The following TIAM1 variants were observed in gnomAD, a reference collection of about 807,000 sequenced individuals.
TIAM1 encodes TIAM Rac1 associated GEF 1.
A neutral mutation model predicts 163.5 loss-of-function variants in TIAM1; 65 were observed. The observed-to-expected ratio is 0.40, with a 90% CI of 0.33 to 0.49. The LOEUF (loss-of-function observed/expected upper bound fraction) is 0.49. Ranked by LOEUF, TIAM1 falls within the 20% of genes least tolerant of loss-of-function variation. TIAM1 has a pLI of 0.77. For synonymous variants in TIAM1, 833 were observed against 810.1 expected, an observed-to-expected ratio of 1.03 and a Z score of -0.48; for missense variants, 1,789 against 2,044.7, an observed-to-expected ratio of 0.87 and a Z score of 2.41.
At chr21:31,265,448 G>C (rs2072704004) in intron 4 of TIAM1, among the ~76,000 whole-genome samples, 1 of 151,842 alleles carries the variant, frequency 6.6e-6, no homozygotes, top group Admixed American at 6.6e-5. Context: ...CCTCCCTCCA[G>C]AGACAGGGCT....
At chr21:31,225,009 T>G (rs1433131305) in intron 7 of TIAM1, among the ~76,000 whole-genome samples, 3 of 151,978 alleles carry the variant, frequency 2.0e-5, no homozygotes, top group South Asian at 2.1e-4. Context: ...TAGATAGATA[T>G]ATCTCTCTCT....
intron 2 of TIAM1, among the ~76,000 whole-genome samples, chr21:31,322,777 G>A (rs531538215): frequency 1.4e-4 from 21 of 151,386 alleles, no homozygotes; most frequent in Admixed American, 1.1e-3. Flanking sequence ...GGTCCCAAAC[G>A]CAATGACATT....
chr21:31,181,746 T>C, intron 15 of TIAM1, among the ~76,000 whole-genome samples: 1 of 117,346 alleles, frequency 8.5e-6, no homozygotes, highest in Non-Finnish European at 1.7e-5. Flanking sequence ...CACTTCTTCT[T>C]CTTCTTCTTC....
intron 1 of TIAM1, among the ~76,000 whole-genome samples, chr21:31,555,618 C>A (rs1450064426): frequency 1.3e-5 from 2 of 152,092 alleles, no homozygotes; most frequent in Non-Finnish European, 2.9e-5. Flanking sequence ...CCTCTGCCCT[C>A]CTCAAGCAGA....
chr21:31,511,211 T>C (rs148366240), intron 1 of TIAM1, among the ~76,000 whole-genome samples: 2,468 of 152,302 alleles, frequency 0.016, 37 homozygotes, highest in South Asian at 0.042. Context: ...GGTGGCACTT[T>C]GTTAGGGCAA....
intron 2 of TIAM1, among the ~76,000 whole-genome samples, chr21:31,318,907 A>C (rs2075213794): frequency 6.6e-6 from 1 of 152,158 alleles, no homozygotes; most frequent in African/African-American, 2.4e-5. Flanking sequence ...TCTGTCCCTC[A>C]GGCTGGAGTG....
rs1303121497 is a variant in TIAM1 at position 31,467,492 on chromosome 21, G to A, written c.-421-3457C>T. Among the ~76,000 whole-genome samples the A allele has an allele frequency of 3.3e-5, 5 of 151,816 alleles. No homozygotes were observed. The East Asian group carries it at 7.8e-4, about 24-fold the overall frequency. On this transcript the variant is annotated intron_variant, in intron 1 of 28. Coordinates refer to the TIAM1 transcript ENST00000286827. ...AATACAAAAATTAGCTGGGCGTGGC[G>A]ACACATGCCTATAATCCCAGCTACT...
intron 17 of TIAM1, 64 bp downstream of exon 17, chr21:31,154,183 A>G (rs2083505311): frequency 6.5e-7 from 1 of 1,540,164 alleles, no homozygotes. Flanking sequence ...GAAAACCAGC[A>G]GACACACCAA....
chr21:31,175,004 A>T (rs2084695170), intron 15 of TIAM1, among the ~76,000 whole-genome samples: 2 of 152,152 alleles, frequency 1.3e-5, no homozygotes, highest in Non-Finnish European at 2.9e-5. Context: ...GTGTAGTGGT[A>T]TGATCAAGGA....
chr21:31,154,112 G>C, intron 17 of TIAM1, 135 bp downstream of exon 17: 4 of 1,018,484 alleles, frequency 3.9e-6, no homozygotes, highest in Middle Eastern at 2.2e-4. Context: ...TCAGAGTATA[G>C]GCAAAATTCC....
chr21:31,359,807 AGG>A (rs2076375678), intron 2 of TIAM1, among the ~76,000 whole-genome samples: 1 of 20,356 alleles, frequency 4.9e-5, no homozygotes, highest in Non-Finnish European at 9.5e-5. Context: ...AGAAAGAAAA[AGG>A]AAGGAAGGAA....
chr21:31,137,065 C>T (rs1329622629), intron 22 of TIAM1, among the ~76,000 whole-genome samples: 1 of 152,238 alleles, frequency 6.6e-6, no homozygotes. Context: ...CACGATGATC[C>T]AGAGAGTCTG....
Position 31,120,706 on chromosome 21 carries a change from T to G in TIAM1, c.4438A>C (p.Thr1480Pro). The change falls in exon 28 of 28, where the codon ACT becomes CCT. Residue 1480 changes from threonine to proline, a missense_variant. Transcript: ENST00000541036. This position sits in a 1 kb window ranked among gnomAD's most constrained non-coding sequence, Gnocchi z 4.2. ...ESQQPPGGGDTDRWVEEQFDL... is the reference protein window; with the variant it reads ...ESQQPPGGGDPDRWVEEQFDL... The stretch of plus-strand genomic sequence containing the variant: ...AACTGCTCCTCTACCCATCGGTCAG[T>G]GTCCCCACCACCGGGGGGCTGCTGG... 1 of 1,614,084 alleles carries G rather than the reference T, an allele frequency of 6.2e-7. No individual in the cohort carries two copies. The highest frequency in any genetic ancestry group is 8.5e-7 in the Non-Finnish European group (1 of 1,180,028).
At chr21:31,406,522 C>CA (rs11429667) in intron 2 of TIAM1, among the ~76,000 whole-genome samples, 36,442 of 152,116 alleles carry the variant, frequency 0.24, 6,195 homozygotes, top group African/African-American at 0.48. Context: ...TGCCCTACAG[C>CA]AGCATGTGTT....
intron 1 of TIAM1, among the ~76,000 whole-genome samples, chr21:31,553,973 A>C (rs939879052): frequency 1.3e-5 from 2 of 152,078 alleles, no homozygotes; most frequent in Non-Finnish European, 2.9e-5. Context: ...TTACCCCTGC[A>C]GAGTGGGCAG....
chr21:31,342,130 AG>A (rs1602047883), intron 1 of TIAM1, among the ~76,000 whole-genome samples: 1 of 151,976 alleles, frequency 6.6e-6, no homozygotes, highest in East Asian at 1.9e-4. Context: ...TTAATGATCT[AG>A]TATCTATTAA....
chr21:31,420,062 TAAAA>T (rs1386984661), intron 2 of TIAM1, among the ~76,000 whole-genome samples: 1 of 151,792 alleles, frequency 6.6e-6, no homozygotes, highest in Non-Finnish European at 1.5e-5. Flanking sequence ...AAACTAAAAA[TAAAA>T]AATAAATAAA....
chr21:31,557,059 C>T (rs1288871254), intron 1 of TIAM1, among the ~76,000 whole-genome samples: 1 of 152,258 alleles, frequency 6.6e-6, no homozygotes, highest in Non-Finnish European at 1.5e-5. Flanking sequence ...CTGGCAACTG[C>T]TTTCCACCTG....
rs555153895 is a variant in TIAM1 at position 31,118,589 on chromosome 21, G to A, written c.*1779C>T. On this transcript the variant is annotated 3_prime_UTR_variant, in exon 28 of 28. Transcript: ENST00000541036. ...ACAATGGCACCCTCTCCAAGCACCA[G>A]ACTTCCGAGTGTTTTCAGATGGATG... 4.2e-6 allele frequency: 2 copies of A among 471,706 alleles called. No individual in the cohort carries two copies. Among genetic ancestry groups the A allele is most frequent in the Non-Finnish European group, 8.8e-6 (2 of 227,186 alleles). 29.2% of individuals were successfully genotyped at this position (471,706 alleles called of 1,614,324 possible).
Sources: gnomAD v4.1 joint callset for allele counts (sites outside exome capture counted in the v4.1 genomes callset) on GRCh38, gnomAD v4.1.1 for gene constraint, Gnocchi (gnomAD v3.1) non-coding constraint, MANE v1.5 for transcripts, NCBI Gene and HGNC (gene_info 2026-07-23, HGNC 2026-07-21) for gene names.